KLF7: variants seen among roughly 807,000 people sequenced by gnomAD.
The protein encoded by KLF7 is Krueppel-like factor 7.
A neutral mutation model predicts 27.3 loss-of-function variants in KLF7; 2 were observed. The ratio of observed to expected loss-of-function variants is 0.07; its 90% confidence interval spans 0.03 to 0.23. The LOEUF (loss-of-function observed/expected upper bound fraction) is 0.23, where lower values mean the gene tolerates loss of function less well. Ranked by LOEUF, KLF7 falls within the 10% of genes least tolerant of loss-of-function variation. The pLI, the probability that KLF7 is intolerant of heterozygous loss-of-function variation, is 1.00. For missense variants in KLF7, 221 were observed against 394.1 expected (o/e 0.56, Z 3.72); for synonymous variants, 165 against 162.4 (o/e 1.02, Z -0.12).
At chr2:207,136,386 C>A (rs575297005) in intron 1 of KLF7, among the ~76,000 whole-genome samples, 10 of 152,172 alleles carry the variant, frequency 6.6e-5, no homozygotes, top group Non-Finnish European at 1.5e-4. Context: ...ATCCCTCTCT[C>A]AGAGCCCTAG....
intron 2 of KLF7, among the ~76,000 whole-genome samples, chr2:207,090,414 A>T (rs1233751745): frequency 3.9e-5 from 6 of 152,186 alleles, no homozygotes; most frequent in African/African-American, 9.7e-5. Context: ...TCTAGAACTC[A>T]GTGTATTTGT....
intron 1 of KLF7, among the ~76,000 whole-genome samples, chr2:207,144,982 A>T (rs2078058835): frequency 6.6e-6 from 1 of 152,216 alleles, no homozygotes; most frequent in African/African-American, 2.4e-5. Context: ...CCAGAATCAG[A>T]CAAATGCAGC....
chr2:207,100,711 C>A (rs1408397573), intron 2 of KLF7, among the ~76,000 whole-genome samples: 2 of 152,304 alleles, frequency 1.3e-5, no homozygotes, highest in African/African-American at 2.4e-5. Flanking sequence ...GAAAACTATA[C>A]CCTTATCTAA....
chr2:207,155,115 GCAAGC>G (rs889599884), intron 1 of KLF7, among the ~76,000 whole-genome samples: 3 of 152,174 alleles, frequency 2.0e-5, no homozygotes, highest in Non-Finnish European at 2.9e-5. Context: ...ATGATTTTAA[GCAAGC>G]CATTCAATAC....
intron 2 of KLF7, among the ~76,000 whole-genome samples, chr2:207,101,376 G>T (rs1241561717): frequency 6.6e-6 from 1 of 152,230 alleles, no homozygotes; most frequent in Non-Finnish European, 1.5e-5. Context: ...ATGTGGACAT[G>T]TGAAACAGAA....
At position 207,078,376 on chromosome 2, in the gene KLF7, T is replaced by C. The variant is rs1485583590; in HGVS notation, c.*2837A>G. ...AATTACTGAACATTTCAGACACTGA[T>C]GAGGACCAAAGGGCCTTTGTTCTGC... is the stretch of plus-strand genomic sequence containing the variant. On this transcript the variant is annotated 3_prime_UTR_variant, in exon 4 of 4. Transcript: ENST00000309446. 1.3e-5 allele frequency: 2 copies of C among 152,236 alleles called. No homozygotes were observed. Among genetic ancestry groups the C allele is most frequent in the Admixed American group, 6.5e-5 (1 of 15,288 alleles). The allele number at this position is 152,236 out of a possible 1,614,324, so 9.4% of individuals were successfully genotyped here. A position where few individuals can be genotyped will look rare whatever the true frequency, so the allele number is the denominator to read the frequency against.
intron 3 of KLF7, among the ~76,000 whole-genome samples, chr2:207,082,326 T>C (rs2076291217): frequency 6.6e-6 from 1 of 152,156 alleles, no homozygotes; most frequent in Non-Finnish European, 1.5e-5. Context: ...CTGGAGTGAC[T>C]GGTGTCTATA....
At chr2:207,099,565 T>TATATATATATATATATATATATAG in intron 2 of KLF7, among the ~76,000 whole-genome samples, 1 of 131,920 alleles carries the variant, frequency 7.6e-6, no homozygotes, top group Non-Finnish European at 1.6e-5. Flanking sequence ...TATATATATA[T>TATATATATATATATATATATATAG]ATATATATGA....
chr2:207,155,118 A>T (rs1280204188), intron 1 of KLF7, among the ~76,000 whole-genome samples: 1 of 152,204 alleles, frequency 6.6e-6, no homozygotes. Flanking sequence ...ATTTTAAGCA[A>T]GCCATTCAAT....
At chr2:207,166,205 G>C, upstream of KLF7, 2 of 985,062 alleles carry the variant, frequency 2.0e-6, no homozygotes, top group South Asian at 4.7e-5. Flanking sequence ...AAGGTAAACA[G>C]GGGGCTCATG....
rs1166580076 is a variant in KLF7, at chr2:207,079,802, G to A, written c.*1411C>T. 2 of 152,132 alleles carry A rather than the reference G, an allele frequency of 1.3e-5. No homozygotes were observed. Among genetic ancestry groups the A allele is most frequent in the Admixed American group, 1.3e-4 (2 of 15,278 alleles). The allele number at this position is 152,132 out of a possible 1,614,324, so 9.4% of individuals were successfully genotyped here. On this transcript the variant is annotated 3_prime_UTR_variant, in exon 4 of 4. Transcript: ENST00000309446. ...GTCTCTCCTTTTAGACAGCCCATGA[G>A]AGAAACACCTCAACCTTTTCCTTAA...
At chr2:207,106,735 A>T (rs530555621) in intron 2 of KLF7, among the ~76,000 whole-genome samples, 1 of 152,270 alleles carries the variant, frequency 6.6e-6, no homozygotes, top group Non-Finnish European at 1.5e-5. Flanking sequence ...GATTTTGCCA[A>T]GTCAAGAAAC....
Position 207,081,187 on chromosome 2 carries a change from C to T in KLF7, c.*26G>A, listed in dbSNP as rs767071215. ...GTTTCCTTTAGACACTAGCCGATGC[C>T]ATGGCAACTCTGGCCTTTCGGTTTT... On this transcript the variant is annotated 3_prime_UTR_variant, in exon 4 of 4. Transcript: ENST00000309446. 1 of 1,610,982 alleles carries T rather than the reference C, an allele frequency of 6.2e-7. No individual in the cohort carries two copies. The highest frequency in any genetic ancestry group is 8.5e-7 in the Non-Finnish European group (1 of 1,177,164).
chr2:207,088,661 G>A (rs577924745), intron 2 of KLF7, 80 bp from the exon 3 acceptor site: 2 of 1,495,720 alleles, frequency 1.3e-6, no homozygotes, highest in African/African-American at 1.4e-5. Flanking sequence ...CTGCCTGCTG[G>A]TCAGGCTTGG....
Position 207,165,644 on chromosome 2 carries a change from C to T in KLF7, c.-76G>A. 1 of 1,600,774 alleles carries T rather than the reference C, an allele frequency of 6.2e-7. No homozygotes were observed. The highest frequency in any genetic ancestry group is 2.2e-5 in the East Asian group (1 of 44,702). ...TGGGGCTGTTTGTTTGTCAGTCTGT[C>T]TGGCTCACCCCCCAAGAAGGCAGAC... On this transcript the variant is annotated 5_prime_UTR_variant, in exon 1 of 4. Coordinates refer to ENST00000309446, the MANE Select transcript of KLF7 (RefSeq NM_003709.4).
At chr2:207,120,739 A>C (rs2077317235) in intron 2 of KLF7, 1 of 152,158 alleles carries the variant, frequency 6.6e-6, no homozygotes, top group Non-Finnish European at 1.5e-5. Flanking sequence ...CCTCTTTCCA[A>C]CCTGAATTCC....
chr2:207,134,011 C>T (rs1417043819), intron 1 of KLF7: 2 of 1,414,564 alleles, frequency 1.4e-6, no homozygotes, highest in Non-Finnish European at 1.9e-6. Context: ...CTCCTGTTAA[C>T]TTTGCACACA....
In KLF7 at chr2:207,076,423, T is replaced by C. The variant is rs1574399022; in HGVS notation, c.*4790A>G. Reference sequence around the variant, plus strand: ...GACACCTGTTTCCCGAGGACTTTTATGTTAAATGCAAAACACCTGAAAAAT... The same window carrying C: ...GACACCTGTTTCCCGAGGACTTTTACGTTAAATGCAAAACACCTGAAAAAT... On this transcript the variant is annotated 3_prime_UTR_variant, in exon 4 of 4. Coordinates refer to ENST00000309446, the MANE Select transcript of KLF7 (RefSeq NM_003709.4). 6.6e-6 allele frequency: 1 copy of C among 152,188 alleles called. No individual in the cohort carries two copies. 9.4% of individuals were successfully genotyped at this position (152,188 alleles called of 1,614,324 possible). A position where few individuals can be genotyped will look rare whatever the true frequency, so the allele number is the denominator to read the frequency against.
intron 3 of KLF7, among the ~76,000 whole-genome samples, chr2:207,083,212 G>A (rs762864892): frequency 1.4e-4 from 22 of 152,100 alleles, no homozygotes; most frequent in South Asian, 4.1e-4. Context: ...AATACAGCCC[G>A]CAGGGAATTT....
Sources: allele counts gnomAD v4.1 joint callset (sites outside exome capture counted in the v4.1 genomes callset), GRCh38; gene constraint gnomAD v4.1.1; transcripts MANE v1.5; gene names NCBI Gene and HGNC (gene_info 2026-07-23, HGNC 2026-07-21).